The following IL1RAPL2 variants were observed in gnomAD, a reference collection of about 807,000 sequenced individuals.
IL1RAPL2 encodes X-linked interleukin-1 receptor accessory protein-like 2.
Under a neutral mutation model 44.1 loss-of-function variants are expected in IL1RAPL2, and 3 were observed. The observed-to-expected ratio is 0.07, with a 90% CI of 0.03 to 0.18. The LOEUF (loss-of-function observed/expected upper bound fraction) is 0.18, where lower values mean the gene tolerates loss of function less well. Ranked by LOEUF, IL1RAPL2 falls within the 10% of genes least tolerant of loss-of-function variation. IL1RAPL2 has a pLI of 1.00. For synonymous variants in IL1RAPL2, 181 were observed against 178.8 expected, an observed-to-expected ratio of 1.01 and a Z score of -0.10; for missense variants, 391 against 496.4, an observed-to-expected ratio of 0.79 and a Z score of 2.02.
chrX:105,020,617 T>C (rs2031268544), intron 2 of IL1RAPL2, among the ~76,000 whole-genome samples: 1 of 112,063 alleles, frequency 8.9e-6, no homozygotes, highest in Non-Finnish European at 1.9e-5. Context: ...CTGGCATGTA[T>C]GTAGTAAGGG....
intron 3 of IL1RAPL2, among the ~76,000 whole-genome samples, chrX:105,221,411 CAAAAAA>C (rs782121555): frequency 6.4e-5 from 4 of 62,938 alleles, no homozygotes; most frequent in East Asian, 9.3e-4. Flanking sequence ...AAACAACAAC[CAAAAAA>C]AAAAAAAAAG....
intron 6 of IL1RAPL2, among the ~76,000 whole-genome samples, chrX:105,658,973 A>C (rs1368036095): frequency 9.3e-6 from 1 of 107,143 alleles, no homozygotes; most frequent in Non-Finnish European, 1.9e-5. Flanking sequence ...AAAAAAAAAA[A>C]AAAAAAAATT....
intron 2 of IL1RAPL2, among the ~76,000 whole-genome samples, chrX:105,042,289 C>A (rs1602915680): frequency 9.2e-6 from 1 of 109,060 alleles, no homozygotes; most frequent in African/African-American, 3.3e-5. Flanking sequence ...AGTGAACAGG[C>A]AACCTACAGA....
chrX:104,851,758 C>G (rs764378584), intron 2 of IL1RAPL2, among the ~76,000 whole-genome samples: 3 of 111,445 alleles, frequency 2.7e-5, no homozygotes, highest in Non-Finnish European at 5.6e-5. Context: ...GTTCACAGTT[C>G]TGCAGGCTGG....
intron 2 of IL1RAPL2, among the ~76,000 whole-genome samples, chrX:104,933,795 G>A (rs1267911070): frequency 2.7e-5 from 3 of 111,169 alleles, no homozygotes; most frequent in South Asian, 3.9e-4. Context: ...CTATTGTCCC[G>A]TTGCATACTC....
intron 2 of IL1RAPL2, among the ~76,000 whole-genome samples, chrX:104,936,729 TCTC>T (rs1255486263): frequency 9.3e-6 from 1 of 107,385 alleles, no homozygotes; most frequent in Non-Finnish European, 1.9e-5. Context: ...TTCACGCTAT[TCTC>T]CTACCTCAGC....
At chrX:104,731,246 G>T (rs1444721182) in intron 2 of IL1RAPL2, among the ~76,000 whole-genome samples, 1 of 109,200 alleles carries the variant, frequency 9.2e-6, no homozygotes, top group African/African-American at 3.4e-5. Context: ...GTCAATTTTG[G>T]CTTTTGTTGC....
At chrX:105,220,400 T>A in intron 3 of IL1RAPL2, 6 of 1,178,412 alleles carry the variant, frequency 5.1e-6, no homozygotes, top group Non-Finnish European at 6.8e-6. Flanking sequence ...AAGGCCATGA[T>A]CGCCTAGGGG....
chrX:105,500,416 T>G (rs1312045758), intron 6 of IL1RAPL2, among the ~76,000 whole-genome samples: 1 of 111,215 alleles, frequency 9.0e-6, no homozygotes, highest in African/African-American at 3.3e-5. Context: ...CTCAGAAACC[T>G]AAGGCTTAAA....
chrX:105,366,271 A>C (rs967748816), intron 5 of IL1RAPL2, among the ~76,000 whole-genome samples: 1 of 110,867 alleles, frequency 9.0e-6, no homozygotes, highest in African/African-American at 3.3e-5. Context: ...TTTCTTTGTT[A>C]GTCTAGCTAA....
At chrX:105,451,240 G>T (rs1477966594) in intron 5 of IL1RAPL2, among the ~76,000 whole-genome samples, 1 of 111,431 alleles carries the variant, frequency 9.0e-6, no homozygotes, top group Admixed American at 9.6e-5. Context: ...GAATGAAATA[G>T]AAACTGCTCT....
intron 6 of IL1RAPL2, among the ~76,000 whole-genome samples, chrX:105,672,503 G>A (rs148556055): frequency 0.074 from 8,257 of 112,229 alleles, 294 homozygotes; most frequent in Admixed American, 0.15. Context: ...GGCCTCCTCC[G>A]ACAGAACCCC....
intron 1 of IL1RAPL2, among the ~76,000 whole-genome samples, chrX:104,629,282 T>C (rs751153006): frequency 2.8e-4 from 31 of 111,882 alleles, no homozygotes; most frequent in Admixed American, 5.7e-4. Flanking sequence ...TGATTAATGG[T>C]GTTGAGCAGT....
At chrX:105,222,058 T>A (rs1225233467) in intron 3 of IL1RAPL2, among the ~76,000 whole-genome samples, 1 of 111,624 alleles carries the variant, frequency 9.0e-6, no homozygotes, top group East Asian at 2.8e-4. Flanking sequence ...TTAAAATCAT[T>A]TGATGGATCC....
At chrX:105,042,212 C>A (rs1462403801) in intron 2 of IL1RAPL2, among the ~76,000 whole-genome samples, 1 of 108,870 alleles carries the variant, frequency 9.2e-6, no homozygotes, top group Non-Finnish European at 1.9e-5. Flanking sequence ...GCAACAAAAG[C>A]CAAAATTGAC....
At chrX:105,055,639 T>A (rs1353315863) in intron 2 of IL1RAPL2, among the ~76,000 whole-genome samples, 1 of 112,269 alleles carries the variant, frequency 8.9e-6, no homozygotes, top group Non-Finnish European at 1.9e-5. Context: ...GATTTAATAT[T>A]TAAATTGAAA....
intron 9 of IL1RAPL2, chrX:105,752,958 G>A (rs1348214362): frequency 3.0e-6 from 1 of 330,480 alleles, no homozygotes; most frequent in Non-Finnish European, 5.9e-6. Context: ...TTTTTTCAAC[G>A]AATGGTGTGC....
At chrX:105,452,782 C>G (rs966898738) in intron 5 of IL1RAPL2, among the ~76,000 whole-genome samples, 4 of 111,649 alleles carry the variant, frequency 3.6e-5, no homozygotes, top group Non-Finnish European at 7.5e-5. Context: ...TCAACTCTAC[C>G]TGTCATGTGT....
intron 5 of IL1RAPL2, among the ~76,000 whole-genome samples, chrX:105,302,478 T>C: frequency 8.9e-6 from 1 of 111,940 alleles, no homozygotes; most frequent in Admixed American, 9.5e-5. Context: ...TGCCAGGACT[T>C]GGTTCTTCCC....
Sources: allele counts gnomAD v4.1 joint callset (sites outside exome capture counted in the v4.1 genomes callset), GRCh38; gene constraint gnomAD v4.1.1; transcripts MANE v1.5; gene names NCBI Gene and HGNC (gene_info 2026-07-23, HGNC 2026-07-21).